SORCS2: variants seen among roughly 807,000 people sequenced by gnomAD.
The protein encoded by SORCS2 is VPS10 domain-containing receptor SorCS2.
In SORCS2, 100 loss-of-function variants were observed where a neutral mutation model predicts 141.6. That is an observed-to-expected ratio of 0.71 (90% CI 0.60 to 0.83). The LOEUF is 0.83. Ranked by LOEUF, SORCS2 falls within the 40% of genes least tolerant of loss-of-function variation. The pLI is 0.00. For synonymous variants in SORCS2, 789 were observed against 676.9 expected, an observed-to-expected ratio of 1.17 and a Z score of -2.57; for missense variants, 1,646 against 1,560.2, an observed-to-expected ratio of 1.05 and a Z score of -0.93.
chr4:7,269,310 T>C (rs1000450169), intron 1 of SORCS2, among the ~76,000 whole-genome samples: 1 of 152,180 alleles, frequency 6.6e-6, no homozygotes, highest in Non-Finnish European at 1.5e-5. Context: ...GAGCTGCCGT[T>C]GTGCAGGGCC....
intron 3 of SORCS2, among the ~76,000 whole-genome samples, chr4:7,630,640 T>A (rs1004568799): frequency 6.6e-6 from 1 of 152,158 alleles, no homozygotes; most frequent in African/African-American, 2.4e-5. Flanking sequence ...CTGTGTGCAT[T>A]CAGCCACAGG....
intron 14 of SORCS2, among the ~76,000 whole-genome samples, chr4:7,706,685 GGCAGGGA>G (rs1253903376): frequency 9.8e-5 from 14 of 143,454 alleles, no homozygotes; most frequent in South Asian, 2.3e-4. Flanking sequence ...GCTCCTCCTG[GGCAGGGA>G]TGAGGCTGGG....
chr4:7,663,151 AGAGT>A lies in SORCS2; in HGVS notation c.953-1191_953-1188del, dbSNP rs1009011274. Among the ~76,000 whole-genome samples the A allele has an allele frequency of 9.2e-5, 14 of 151,368 alleles. No individual in the cohort carries two copies. The highest frequency in any genetic ancestry group is 1.9e-4 in the East Asian group (1 of 5,162). ...GTGAATAAGTGAGTGAGTAATTGAA[AGAGT>A]GAGTGAGTGAATGAGTGATGAGTGA... On this transcript the variant is annotated intron_variant, in intron 6 of 26. Transcript: ENST00000507866. The surrounding 1 kb of genome is among the most constrained non-coding windows in gnomAD (Gnocchi z 4.8).
intron 1 of SORCS2, among the ~76,000 whole-genome samples, chr4:7,313,866 A>G (rs532616721): frequency 3.3e-5 from 5 of 152,034 alleles, no homozygotes; most frequent in Non-Finnish European, 7.4e-5. Context: ...CAGGGGCCCT[A>G]TCTCTTCTGT....
chr4:7,557,746 AG>A lies in SORCS2; in HGVS notation c.648+26121del, dbSNP rs1401979699. On this transcript the variant is annotated intron_variant, in intron 3 of 26. Coordinates refer to ENST00000507866, the MANE Select transcript of SORCS2 (RefSeq NM_020777.3). Reference sequence around the variant, plus strand: ...ACAGGCAATCCCCAAGGCCTCTGAAAGGGGCAGTGGTTTGAGCTGAGACTTG... The same window carrying A: ...ACAGGCAATCCCCAAGGCCTCTGAAAGGGCAGTGGTTTGAGCTGAGACTTG... 2.0e-5 allele frequency among the ~76,000 whole-genome samples: 3 copies of A among 152,300 alleles called. No individual in the cohort carries two copies. In the East Asian group the frequency reaches 5.8e-4, roughly 29 times the overall value.
intron 1 of SORCS2, among the ~76,000 whole-genome samples, chr4:7,259,768 A>C (rs753993366): frequency 1.3e-5 from 2 of 152,212 alleles, no homozygotes; most frequent in Non-Finnish European, 2.9e-5. Context: ...CTTGGGGTTC[A>C]CAGCATCTCC....
intron 3 of SORCS2, among the ~76,000 whole-genome samples, chr4:7,537,885 C>G (rs1338313298): frequency 1.3e-5 from 2 of 152,062 alleles, no homozygotes; most frequent in African/African-American, 4.8e-5. Flanking sequence ...ACTCAGGAGG[C>G]TGAGGTGGGA....
chr4:7,274,969 T>C (rs1428893332), intron 1 of SORCS2, among the ~76,000 whole-genome samples: 4 of 152,210 alleles, frequency 2.6e-5, no homozygotes, highest in Admixed American at 1.3e-4. Context: ...GGGTTGTCCG[T>C]GTGTTTAACA....
chr4:7,427,848 C>A (rs76814419), intron 2 of SORCS2, among the ~76,000 whole-genome samples: 4 of 113,534 alleles, frequency 3.5e-5, no homozygotes, highest in South Asian at 4.8e-4. Flanking sequence ...CCACCGCCCC[C>A]CCGCCCCCCC....
chr4:7,272,093 G>A (rs1715180932), intron 1 of SORCS2, among the ~76,000 whole-genome samples: 1 of 152,194 alleles, frequency 6.6e-6, no homozygotes, highest in Non-Finnish European at 1.5e-5. Flanking sequence ...GGACTCGTGA[G>A]ACTCATCTTG....
intron 1 of SORCS2, among the ~76,000 whole-genome samples, chr4:7,231,959 T>C (rs1295970064): frequency 1.3e-5 from 2 of 152,144 alleles, no homozygotes; most frequent in African/African-American, 4.8e-5. Context: ...CAGGGTGCAC[T>C]TGGGTGCTGC....
intron 8 of SORCS2, among the ~76,000 whole-genome samples, chr4:7,668,821 A>C (rs566089541): frequency 1.3e-5 from 2 of 152,238 alleles, no homozygotes; most frequent in African/African-American, 4.8e-5. Flanking sequence ...CTACAGCATT[A>C]GAAGCTCCTG....
At chr4:7,337,178 A>G (rs1330192102) in intron 1 of SORCS2, among the ~76,000 whole-genome samples, 1 of 152,190 alleles carries the variant, frequency 6.6e-6, no homozygotes, top group Non-Finnish European at 1.5e-5. Context: ...AAGGGATTTT[A>G]GAGTGAATCC....
At chr4:7,414,933 G>T (rs1374634381) in intron 2 of SORCS2, among the ~76,000 whole-genome samples, 1 of 142,056 alleles carries the variant, frequency 7.0e-6, no homozygotes, top group East Asian at 2.0e-4. Flanking sequence ...ACGGGGTTGG[G>T]TGAGGAGCCC....
intron 3 of SORCS2, among the ~76,000 whole-genome samples, chr4:7,600,945 G>T (rs2108791964): frequency 6.6e-6 from 1 of 152,272 alleles, no homozygotes; most frequent in South Asian, 2.1e-4. Context: ...GTGGGCAATG[G>T]CATGGTCTCA....
At chr4:7,430,055 G>A (rs527906990) in intron 2 of SORCS2, among the ~76,000 whole-genome samples, 37 of 152,224 alleles carry the variant, frequency 2.4e-4, no homozygotes, top group African/African-American at 8.7e-4. Context: ...TTCCAGGCCC[G>A]CTTCTCGTTG....
At chr4:7,522,377 C>T (rs542600617) in intron 2 of SORCS2, among the ~76,000 whole-genome samples, 293 of 152,380 alleles carry the variant, frequency 1.9e-3, no homozygotes, top group Non-Finnish European at 3.3e-3. Flanking sequence ...CAGCAATTTT[C>T]CAACTGCGCT....
At chr4:7,402,660 C>T (rs116585056) in intron 2 of SORCS2, among the ~76,000 whole-genome samples, 2,505 of 152,262 alleles carry the variant, frequency 0.016, 76 homozygotes, top group African/African-American at 0.056. Flanking sequence ...AAGATGTGTG[C>T]ACAACTTTCT....
intron 1 of SORCS2, among the ~76,000 whole-genome samples, chr4:7,385,285 G>T (rs905150714): frequency 6.6e-5 from 10 of 152,200 alleles, no homozygotes; most frequent in Non-Finnish European, 1.3e-4. Flanking sequence ...CCTCTCCCTG[G>T]TAAATAAATG....
Sources: allele counts gnomAD v4.1 joint callset (sites outside exome capture counted in the v4.1 genomes callset), GRCh38; gene constraint gnomAD v4.1.1; non-coding constraint Gnocchi (gnomAD v3.1); transcripts MANE v1.5; gene names NCBI Gene and HGNC (gene_info 2026-07-23, HGNC 2026-07-21).